The following INTS7 variants were observed in gnomAD, a reference collection of about 807,000 sequenced individuals.
INTS7 encodes chromosome 1 open reading frame 73.
In INTS7, 46 loss-of-function variants were observed where a neutral mutation model predicts 109.2. That is an observed-to-expected ratio of 0.42 (90% CI 0.33 to 0.54). INTS7 has a LOEUF of 0.54. Ranked by LOEUF, INTS7 falls within the 20% of genes least tolerant of loss-of-function variation. The pLI is 0.07. For missense variants in INTS7, 929 were observed against 1,132.4 expected (o/e 0.82, Z 2.58); for synonymous variants, 412 against 402.9 (o/e 1.02, Z -0.27).
In INTS7 at chr1:211,966,423, G is replaced by C. The variant is rs1302618393; in HGVS notation, c.2183+7C>G. 5 of 1,498,388 alleles carry C rather than the reference G, an allele frequency of 3.3e-6. No individual in the cohort carries two copies. Among genetic ancestry groups the C allele is most frequent in the African/African-American group, 1.4e-5 (1 of 72,376 alleles). 92.8% of individuals were successfully genotyped at this position (1,498,388 alleles called of 1,614,324 possible). On this transcript the variant is annotated splice_region_variant and intron_variant, in intron 16 of 19. Transcript: ENST00000366994. ...GTAACGCCAACTATTATTAATATTA[G>C]AATTACCTTGCTGATTCTGGATCCA...
chr1:212,005,543 A>C (rs745647897), intron 7 of INTS7, among the ~76,000 whole-genome samples: 1 of 152,176 alleles, frequency 6.6e-6, no homozygotes, highest in Admixed American at 6.5e-5. Context: ...TGTATGTATG[A>C]TCTATCTCAC....
At chr1:212,016,170 T>C (rs745724117) in intron 4 of INTS7, among the ~76,000 whole-genome samples, 1 of 152,200 alleles carries the variant, frequency 6.6e-6, no homozygotes, top group Non-Finnish European at 1.5e-5. Flanking sequence ...CCAGCATCCA[T>C]ACAAATAATT....
intron 4 of INTS7, among the ~76,000 whole-genome samples, chr1:212,016,641 C>T (rs1666456277): frequency 6.6e-6 from 1 of 152,222 alleles, no homozygotes; most frequent in Non-Finnish European, 1.5e-5. Flanking sequence ...CTAATCTATG[C>T]TGATCCTGTC....
chr1:212,035,548 G>T lies in INTS7; in HGVS notation c.-111C>A, dbSNP rs911045315. ...TGGTTTTTCTTCCGCGCGCTGTCAA[G>T]CCCTGTTACGCATGCGCCCTGGTCA... On this transcript the variant is annotated 5_prime_UTR_variant, in exon 1 of 20. Coordinates refer to ENST00000366994, the MANE Select transcript of INTS7 (RefSeq NM_015434.4). The T allele has an allele frequency of 1.2e-5, 10 of 849,774 alleles. No homozygotes were observed. The highest frequency in any genetic ancestry group is 2.5e-5 in the East Asian group (1 of 39,878). 52.6% of individuals were successfully genotyped at this position (849,774 alleles called of 1,614,324 possible).
intron 16 of INTS7, among the ~76,000 whole-genome samples, chr1:211,958,356 T>G (rs1192990159): frequency 6.6e-6 from 1 of 152,222 alleles, no homozygotes; most frequent in Non-Finnish European, 1.5e-5. Context: ...TTGTAATATT[T>G]CTGATGAGAA....
chr1:211,999,482 G>A (rs1406036695), intron 7 of INTS7, among the ~76,000 whole-genome samples: 1 of 152,178 alleles, frequency 6.6e-6, no homozygotes, highest in African/African-American at 2.4e-5. Context: ...GGGGCCTGCA[G>A]AAACTTCTGG....
In INTS7 at chr1:211,940,804, A is replaced by AC. The variant is rs1431020384; in HGVS notation, c.*1019dup. On this transcript the variant is annotated 3_prime_UTR_variant, in exon 20 of 20. Transcript: ENST00000366994. The stretch of plus-strand genomic sequence containing the variant: ...AATCACCAACCAAAGGAAAAGATCC[A>AC]CCCCTTCTAACTTAAAACATTGAAG... The AC allele has an allele frequency of 1.3e-5, 2 of 152,158 alleles. No individual in the cohort carries two copies. The highest frequency in any genetic ancestry group is 4.8e-5 in the African/African-American group (2 of 41,428). The allele number at this position is 152,158 out of a possible 1,614,324, so 9.4% of individuals were successfully genotyped here. A position where few individuals can be genotyped will look rare whatever the true frequency, so the allele number is the denominator to read the frequency against.
chr1:212,025,131 ATGG>A (rs1277946662), intron 1 of INTS7, among the ~76,000 whole-genome samples: 2 of 152,228 alleles, frequency 1.3e-5, no homozygotes, highest in Non-Finnish European at 2.9e-5. Flanking sequence ...TTCTTTCTGT[ATGG>A]TAATAAACTG....
intron 4 of INTS7, among the ~76,000 whole-genome samples, chr1:212,013,381 C>T (rs1468533431): frequency 1.3e-5 from 2 of 152,090 alleles, no homozygotes; most frequent in African/African-American, 4.8e-5. Flanking sequence ...TATGTTTATA[C>T]AGCTGTATGT....
rs984303331 is a variant in INTS7, at chr1:212,035,535, C to T, written c.-98G>A. The T allele has an allele frequency of 5.0e-6, 5 of 992,120 alleles. No homozygotes were observed. Among genetic ancestry groups the T allele is most frequent in the Non-Finnish European group, 7.9e-6 (5 of 631,052 alleles). The allele number at this position is 992,120 out of a possible 1,614,324, so 61.5% of individuals were successfully genotyped here. ...GCCGCCTTCTTGCTGGTTTTTCTTC[C>T]GCGCGCTGTCAAGCCCTGTTACGCA... is the stretch of plus-strand genomic sequence containing the variant. On this transcript the variant is annotated 5_prime_UTR_variant, in exon 1 of 20. Coordinates refer to ENST00000366994, the MANE Select transcript of INTS7 (RefSeq NM_015434.4).
intron 5 of INTS7, among the ~76,000 whole-genome samples, chr1:212,008,230 G>A (rs1666021843): frequency 6.6e-6 from 1 of 152,116 alleles, no homozygotes; most frequent in Non-Finnish European, 1.5e-5. Context: ...GTTTGCCAGA[G>A]GGAAAAGAAT....
At chr1:211,948,547 G>A (rs1662942120) in intron 17 of INTS7, among the ~76,000 whole-genome samples, 1 of 152,172 alleles carries the variant, frequency 6.6e-6, no homozygotes. Context: ...TGCAGATTTT[G>A]CAATACCCTC....
chr1:212,030,686 G>A (rs1318647763), intron 1 of INTS7: 1 of 152,164 alleles, frequency 6.6e-6, no homozygotes, highest in Non-Finnish European at 1.5e-5. Context: ...GACTCAGTGT[G>A]GGTCACATGC....
chr1:211,947,904 T>C (rs918532143), intron 17 of INTS7, among the ~76,000 whole-genome samples: 2 of 152,250 alleles, frequency 1.3e-5, no homozygotes, highest in Non-Finnish European at 2.9e-5. Context: ...CCTTTCTTTA[T>C]TACTATTTTA....
intron 9 of INTS7, among the ~76,000 whole-genome samples, chr1:211,982,044 C>A (rs906832420): frequency 6.6e-6 from 1 of 152,088 alleles, no homozygotes; most frequent in Non-Finnish European, 1.5e-5. Context: ...TAAGAGGAAC[C>A]ACTGAGCTTG....
intron 16 of INTS7, among the ~76,000 whole-genome samples, chr1:211,956,216 G>A (rs920903337): frequency 2.0e-5 from 3 of 152,154 alleles, no homozygotes; most frequent in South Asian, 2.1e-4. Context: ...AAGTGACTAC[G>A]TGAGTATTTC....
At chr1:212,003,378 A>T (rs983604147) in intron 7 of INTS7, among the ~76,000 whole-genome samples, 2 of 152,014 alleles carry the variant, frequency 1.3e-5, no homozygotes, top group African/African-American at 4.8e-5. Context: ...ACCAGTAGAC[A>T]GCAGAATGGT....
intron 5 of INTS7, among the ~76,000 whole-genome samples, chr1:212,009,132 G>C (rs529953431): frequency 3.3e-5 from 5 of 152,162 alleles, no homozygotes; most frequent in East Asian, 1.9e-4. Context: ...CAAATGTCAG[G>C]ATTCTGTTCC....
intron 10 of INTS7, among the ~76,000 whole-genome samples, chr1:211,980,032 C>G (rs1338807779): frequency 6.6e-6 from 1 of 151,926 alleles, no homozygotes; most frequent in East Asian, 1.9e-4. Context: ...TATGTATGTC[C>G]CACTGTGCTG....
Sources: allele counts gnomAD v4.1 joint callset (sites outside exome capture counted in the v4.1 genomes callset), GRCh38; gene constraint gnomAD v4.1.1; transcripts MANE v1.5; gene names NCBI Gene and HGNC (gene_info 2026-07-23, HGNC 2026-07-21).